The following CENPW variants were observed in gnomAD, a reference collection of about 807,000 sequenced individuals.
CENPW encodes cancer-up-regulated gene 2 protein.
CENPW carries 3 observed loss-of-function variants against 11.1 expected under a neutral mutation model. The observed-to-expected ratio is 0.27, with a 90% CI of 0.12 to 0.70. The LOEUF is 0.70. CENPW is among the 30% of genes least tolerant of loss of function. The pLI is 0.77. For synonymous variants in CENPW, 38 were observed against 42.0 expected (o/e 0.91, Z 0.37); for missense variants, 100 against 105.6 (o/e 0.95, Z 0.23).
At chr6:126,349,784 A>T (rs143630558), downstream of CENPW, among the ~76,000 whole-genome samples, 2 of 152,152 alleles carry the variant, frequency 1.3e-5, no homozygotes, top group Non-Finnish European at 2.9e-5. Context: ...GCAGGATTTT[A>T]TATGGACATA....
the CENPW span, among the ~76,000 whole-genome samples, chr6:126,372,595 G>A: frequency 6.6e-6 from 1 of 152,030 alleles, no homozygotes; most frequent in Non-Finnish European, 1.5e-5. Flanking sequence ...TGTAATATAG[G>A]TGCAAAATTG....
At chr6:126,462,528 T>A in the CENPW span, among the ~76,000 whole-genome samples, 83 of 147,860 alleles carry the variant, frequency 5.6e-4, no homozygotes, top group African/African-American at 1.9e-3. Flanking sequence ...TCTCTCTCTC[T>A]CTCTCACACA....
the CENPW span, among the ~76,000 whole-genome samples, chr6:126,439,579 T>C: frequency 6.6e-6 from 1 of 151,734 alleles, no homozygotes; most frequent in African/African-American, 2.4e-5. Context: ...AGTTTCAGTC[T>C]ATCAATCAAT....
the CENPW span, among the ~76,000 whole-genome samples, chr6:126,390,753 T>C: frequency 6.6e-6 from 1 of 152,000 alleles, no homozygotes; most frequent in Non-Finnish European, 1.5e-5. Flanking sequence ...CTTATTTCAC[T>C]TAACATAATA....
the CENPW span, among the ~76,000 whole-genome samples, chr6:126,462,822 C>T: frequency 1.3e-5 from 2 of 151,924 alleles, no homozygotes; most frequent in African/African-American, 4.8e-5. Context: ...AGGACGAGTG[C>T]TTGTACAATC....
the CENPW span, among the ~76,000 whole-genome samples, chr6:126,461,010 G>A: frequency 1.3e-5 from 2 of 151,876 alleles, no homozygotes; most frequent in Admixed American, 6.6e-5. Flanking sequence ...GATAGAAGAT[G>A]TTGACTAAAT....
At chr6:126,417,040 G>C in the CENPW span, among the ~76,000 whole-genome samples, 1 of 152,190 alleles carries the variant, frequency 6.6e-6, no homozygotes, top group African/African-American at 2.4e-5. Flanking sequence ...GAAAGCAGCT[G>C]GGAAGGAGGA....
the CENPW span, among the ~76,000 whole-genome samples, chr6:126,460,263 T>C: frequency 6.6e-6 from 1 of 151,700 alleles, no homozygotes; most frequent in South Asian, 2.1e-4. Context: ...GGACCCTTAA[T>C]TTAAGATTTG....
At chr6:126,372,674 A>G in the CENPW span, among the ~76,000 whole-genome samples, 1 of 152,222 alleles carries the variant, frequency 6.6e-6, no homozygotes, top group Non-Finnish European at 1.5e-5. Context: ...TTTAAGAATG[A>G]GGCCCTAAAG....
At chr6:126,367,210 C>A in the CENPW span, among the ~76,000 whole-genome samples, 2 of 151,798 alleles carry the variant, frequency 1.3e-5, no homozygotes, top group African/African-American at 4.8e-5. Flanking sequence ...AATTTAATAG[C>A]TCTAGTAGTG....
chr6:126,454,248 C>T, the CENPW span, among the ~76,000 whole-genome samples: 5 of 151,418 alleles, frequency 3.3e-5, no homozygotes, highest in Admixed American at 3.3e-4. Flanking sequence ...GAACTCTCTA[C>T]CCCAAACCAA....
the CENPW span, among the ~76,000 whole-genome samples, chr6:126,424,712 T>C: frequency 1.3e-5 from 2 of 152,086 alleles, no homozygotes; most frequent in Non-Finnish European, 2.9e-5. Flanking sequence ...TGGATGGCCA[T>C]GGGTTGGATC....
chr6:126,405,205 T>A, the CENPW span, among the ~76,000 whole-genome samples: 518 of 152,228 alleles, frequency 3.4e-3, 1 homozygote, highest in Non-Finnish European at 6.2e-3. Flanking sequence ...TCTAGTTTTT[T>A]CTTCTGCCTA....
the CENPW span, among the ~76,000 whole-genome samples, chr6:126,430,929 TAAAC>T: frequency 1.3e-5 from 2 of 151,460 alleles, no homozygotes; most frequent in East Asian, 1.9e-4. Context: ...CAAAAAAAAA[TAAAC>T]AAATAAAAAA....
At chr6:126,468,783 T>C in the CENPW span, among the ~76,000 whole-genome samples, 1 of 152,306 alleles carries the variant, frequency 6.6e-6, no homozygotes, top group East Asian at 1.9e-4. Flanking sequence ...GAATATGCTA[T>C]AAATTGTTGC....
chr6:126,457,313 A>G, the CENPW span, among the ~76,000 whole-genome samples: 1 of 151,504 alleles, frequency 6.6e-6, no homozygotes, highest in African/African-American at 2.4e-5. Flanking sequence ...AATTGACCTT[A>G]ATGCCCACCA....
the CENPW span, among the ~76,000 whole-genome samples, chr6:126,400,855 C>T: frequency 6.6e-6 from 1 of 152,058 alleles, no homozygotes; most frequent in Admixed American, 6.6e-5. Context: ...TCTCTTATTA[C>T]ATTTCACATT....
At chr6:126,419,087 T>A in the CENPW span, among the ~76,000 whole-genome samples, 2 of 151,786 alleles carry the variant, frequency 1.3e-5, no homozygotes, top group African/African-American at 4.8e-5. Context: ...TATAATAAAA[T>A]ATATATATAT....
the CENPW span, among the ~76,000 whole-genome samples, chr6:126,402,749 A>G: frequency 1.3e-5 from 2 of 151,988 alleles, no homozygotes; most frequent in Non-Finnish European, 2.9e-5. Context: ...TTTATTTATC[A>G]TTTGTCAGTT....
Sources: gnomAD v4.1 joint callset for allele counts (sites outside exome capture counted in the v4.1 genomes callset) on GRCh38, gnomAD v4.1.1 for gene constraint, MANE v1.5 for transcripts, NCBI Gene and HGNC (gene_info 2026-07-23, HGNC 2026-07-21) for gene names.